The following CACNA1A variants were observed in gnomAD, a reference collection of about 807,000 sequenced individuals.
CACNA1A encodes voltage-dependent P/Q-type calcium channel subunit alpha-1A.
CACNA1A carries 57 observed loss-of-function variants against 262.4 expected under a neutral mutation model. That is an observed-to-expected ratio of 0.22 (90% CI 0.18 to 0.27). The LOEUF (loss-of-function observed/expected upper bound fraction) is 0.27, where lower values mean the gene tolerates loss of function less well. Among genes scored for constraint, CACNA1A ranks in the 10% least tolerant of loss-of-function variants. The pLI, the probability that CACNA1A is intolerant of heterozygous loss-of-function variation, is 1.00. For missense variants in CACNA1A, 2,526 were observed against 3,562.8 expected (o/e 0.71, Z 7.41); for synonymous variants, 1,431 against 1,419.3 (o/e 1.01, Z -0.18).
At chr19:13,318,888 A>ATTTTTTTTTTTTTTTTTTT (rs1600317762) in intron 10 of CACNA1A, among the ~76,000 whole-genome samples, 5 of 94,678 alleles carry the variant, frequency 5.3e-5, no homozygotes, top group African/African-American at 1.0e-4. Flanking sequence ...TCTAAAATAC[A>ATTTTTTTTTTTTTTTTTTT]TCTTTTTTTT....
At chr19:13,456,145 A>G (rs772915095) in intron 1 of CACNA1A, among the ~76,000 whole-genome samples, 5 of 151,498 alleles carry the variant, frequency 3.3e-5, no homozygotes, top group African/African-American at 1.2e-4. Context: ...GCAAGACTCC[A>G]TCTCAAAAAT....
intron 1 of CACNA1A, among the ~76,000 whole-genome samples, chr19:13,483,414 T>C (rs1001173616): frequency 2.0e-5 from 3 of 152,122 alleles, no homozygotes; most frequent in Admixed American, 6.5e-5. Context: ...TTGGAGAAGT[T>C]GGCTCCACCC....
chr19:13,371,389 A>G (rs1162388530), intron 4 of CACNA1A: 9 of 292,516 alleles, frequency 3.1e-5, no homozygotes, highest in Non-Finnish European at 5.8e-5. Context: ...TAGAGACATC[A>G]GTCCTATCAA....
At chr19:13,494,568 T>C (rs573175581) in intron 1 of CACNA1A, among the ~76,000 whole-genome samples, 74 of 152,232 alleles carry the variant, frequency 4.9e-4, no homozygotes, top group Non-Finnish European at 9.3e-4. Context: ...AGGGACCAGA[T>C]CACATGGGGC....
intron 1 of CACNA1A, among the ~76,000 whole-genome samples, chr19:13,481,288 C>T (rs1862258): frequency 0.082 from 12,423 of 152,164 alleles, 878 homozygotes; most frequent in East Asian, 0.39. Context: ...CTAGGAATCA[C>T]GGCTCTCATG....
At chr19:13,261,641 G>A in intron 25 of CACNA1A, 31 bp from the exon 26 acceptor site, 8 of 1,597,156 alleles carry the variant, frequency 5.0e-6, no homozygotes, top group Non-Finnish European at 6.0e-6. Flanking sequence ...AGAGCATGAG[G>A]GGCTGGGGAC....
chr19:13,415,234 C>G (rs1005326295), intron 3 of CACNA1A, among the ~76,000 whole-genome samples: 2 of 151,602 alleles, frequency 1.3e-5, no homozygotes, highest in Non-Finnish European at 2.9e-5. Flanking sequence ...GTGTGTGCGG[C>G]GCGGAATAGA....
At chr19:13,370,204 G>A (rs1032400704) in intron 4 of CACNA1A, among the ~76,000 whole-genome samples, 2 of 150,524 alleles carry the variant, frequency 1.3e-5, no homozygotes, top group African/African-American at 4.9e-5. Context: ...GGGTTCAAGT[G>A]ATTCTCCTGC....
At chr19:13,245,459 G>A (rs2056204345) in intron 30 of CACNA1A, 194 bp from the exon 31 acceptor site, 1 of 587,996 alleles carries the variant, frequency 1.7e-6, no homozygotes, top group Non-Finnish European at 3.1e-6. Context: ...GAACTCCTGG[G>A]GGCCTTCCCA....
chr19:13,349,025 AAAAGAGAGAC>A (rs1238595368), intron 6 of CACNA1A, among the ~76,000 whole-genome samples: 9 of 119,846 alleles, frequency 7.5e-5, no homozygotes, highest in Non-Finnish European at 8.0e-5. Context: ...AAAAAAAAAA[AAAAGAGAGAC>A]AAAGAGAGAG....
chr19:13,255,767 CCCTCCCTCCTTTCCTT>C (rs1167118588), intron 28 of CACNA1A, among the ~76,000 whole-genome samples: 1 of 114,012 alleles, frequency 8.8e-6, no homozygotes, highest in Non-Finnish European at 1.8e-5. Context: ...CTCCCTCCTT[CCCTCCCTCCTTTCCTT>C]CCTTCCTCCC....
intron 37 of CACNA1A, chr19:13,226,592 G>A: frequency 6.6e-6 from 1 of 152,388 alleles, no homozygotes; most frequent in East Asian, 1.9e-4. Context: ...CTGTCCTTGG[G>A]CACCAAGGGA....
At chr19:13,438,272 C>T (rs2060648690) in intron 3 of CACNA1A, among the ~76,000 whole-genome samples, 1 of 152,250 alleles carries the variant, frequency 6.6e-6, no homozygotes, top group Non-Finnish European at 1.5e-5. Context: ...CCAGTGGCCC[C>T]AGGTAAATAC....
chr19:13,235,146 C>A, intron 33 of CACNA1A, 63 bp downstream of exon 33: 3 of 1,576,354 alleles, frequency 1.9e-6, no homozygotes, highest in Non-Finnish European at 2.6e-6. Flanking sequence ...TCTGACCCAC[C>A]CCTTTCTAAG....
chr19:13,336,597 GAGAGA>G (rs1568547410), intron 6 of CACNA1A, among the ~76,000 whole-genome samples: 38 of 103,008 alleles, frequency 3.7e-4, no homozygotes, highest in African/African-American at 1.6e-3. Flanking sequence ...GAGAGAGGGA[GAGAGA>G]GAGAGAGAGA....
rs539546830 is a variant in CACNA1A at position 13,207,394 on chromosome 19, G to C, written c.7440C>G (p.His2480Gln). 3,309 of 1,538,980 alleles carry C rather than the reference G, an allele frequency of 2.2e-3. 10 individuals carry two copies. The highest frequency in any genetic ancestry group is 2.6e-3 in the Non-Finnish European group (3,004 of 1,148,536). Residue 2480 changes from histidine to glutamine, a missense_variant, in exon 47 of 47, where the codon CAC (histidine) becomes CAG (glutamine). Physicochemically the swap from His to Gln is conservative, Grantham distance 24. Transcript: ENST00000360228. This position sits in a 1 kb window ranked among gnomAD's most constrained non-coding sequence, Gnocchi z 5.7. ...CCGGCCCGCGGGGCCTGGCCAGTCC[G>C]TGCGCCGGGTAGTAGCCGTTGGGGA... is the stretch of plus-strand genomic sequence containing the variant. The part of the protein sequence containing the change: ...RRLPNGYYPA[H>Q]GLARPRGPGS...
At chr19:13,370,174 C>T (rs2059294936) in intron 4 of CACNA1A, among the ~76,000 whole-genome samples, 1 of 151,690 alleles carries the variant, frequency 6.6e-6, no homozygotes, top group South Asian at 2.1e-4. Context: ...GATTTCAGCT[C>T]ACTGCAACCT....
At chr19:13,369,769 G>T (rs2059285479) in intron 4 of CACNA1A, among the ~76,000 whole-genome samples, 1 of 152,206 alleles carries the variant, frequency 6.6e-6, no homozygotes, top group South Asian at 2.1e-4. Context: ...CTCCCAAAGT[G>T]CTGGGATTAC....
At chr19:13,333,067 G>T in intron 8 of CACNA1A, 142 bp from the exon 9 acceptor site, 1 of 616,260 alleles carries the variant, frequency 1.6e-6, no homozygotes. Context: ...CATGCTGCTG[G>T]GTGGTTTGTG....
Sources: gnomAD v4.1 joint callset for allele counts (sites outside exome capture counted in the v4.1 genomes callset) on GRCh38, gnomAD v4.1.1 for gene constraint, Gnocchi (gnomAD v3.1) non-coding constraint, MANE v1.5 for transcripts, NCBI Gene and HGNC (gene_info 2026-07-23, HGNC 2026-07-21) for gene names.